ERC1: variants seen among roughly 807,000 people sequenced by gnomAD.
ERC1 encodes the protein ELKS/RAB6-interacting/CAST family member 1, also known as RAB6 interacting protein 2.
ERC1 carries 56 observed loss-of-function variants against 132.0 expected under a neutral mutation model. That is an observed-to-expected ratio of 0.42 (90% CI 0.34 to 0.53). The LOEUF is 0.53. ERC1 is among the 20% of genes least tolerant of loss of function. The pLI, the probability that ERC1 is intolerant of heterozygous loss-of-function variation, is 0.03. For synonymous variants in ERC1, 478 were observed against 476.1 expected (o/e 1.00, Z -0.05); for missense variants, 1,202 against 1,349.9 (o/e 0.89, Z 1.72).
In ERC1 at chr12:1,491,841, A is replaced by G. The variant is rs906546994; in HGVS notation, c.*1611A>G. 16 of 232,694 alleles carry G rather than the reference A, an allele frequency of 6.9e-5. No individual in the cohort carries two copies. The highest frequency in any genetic ancestry group is 3.5e-4 in the African/African-American group (16 of 45,432). The allele number at this position is 232,694 out of a possible 1,614,324, so 14.4% of individuals were successfully genotyped here. On this transcript the variant is annotated 3_prime_UTR_variant, in exon 19 of 19. Coordinates refer to ENST00000360905, the MANE Select transcript of ERC1 (RefSeq NM_178040.4). ...AGCGTAGACAACAGCAGTCATAAATAATTAGGCAGGAACTTAACCCAAATC... is the reference window on the plus strand; with the variant it reads ...AGCGTAGACAACAGCAGTCATAAATGATTAGGCAGGAACTTAACCCAAATC...
intron 16 of ERC1, among the ~76,000 whole-genome samples, chr12:1,389,993 G>A (rs776965079): frequency 6.6e-5 from 10 of 152,086 alleles, no homozygotes; most frequent in South Asian, 2.1e-4. Context: ...CAAACTTGTC[G>A]TTAAGGCTTC....
chr12:1,341,089 T>TTTTTTTTC (rs2083827321), intron 15 of ERC1, among the ~76,000 whole-genome samples: 1 of 74,238 alleles, frequency 1.3e-5, no homozygotes, highest in Non-Finnish European at 2.6e-5. Flanking sequence ...TTTTTTTTTT[T>TTTTTTTTC]TTTTTTTTTT....
intron 7 of ERC1, among the ~76,000 whole-genome samples, chr12:1,121,677 A>ATCTGTGTC (rs56044523): frequency 2.1e-3 from 17 of 8,180 alleles, no homozygotes; most frequent in South Asian, 0.012. Flanking sequence ...CTCTATCTCT[A>ATCTGTGTC]TCTATCTCTA....
Position 1,083,538 on chromosome 12 carries a change from C to T in ERC1, c.1044C>T (p.Ser348=), listed in dbSNP as rs1321431600. ...EAEMHVHHLE[S]LLEQKEKENS... ...AGATGCACGTTCATCACCTAGAAAG[C>T]CTTTTGGAGCAGAAGGAAAAAGAGA... The change falls in exon 3 of 19, where the codon AGC becomes AGT. Residue 348 remains serine, a synonymous_variant. Coordinates refer to ENST00000360905, the MANE Select transcript of ERC1 (RefSeq NM_178040.4). The T allele has an allele frequency of 1.2e-6, 2 of 1,609,762 alleles. No homozygotes were observed. The highest frequency in any genetic ancestry group is 2.7e-5 in the African/African-American group (2 of 74,566).
At chr12:1,459,311 C>CTA (rs1238638381) in intron 18 of ERC1, among the ~76,000 whole-genome samples, 1 of 151,968 alleles carries the variant, frequency 6.6e-6, no homozygotes, top group Non-Finnish European at 1.5e-5. Flanking sequence ...AACCTCATGG[C>CTA]TATATATATG....
chr12:1,080,874 T>G (rs1332059467), intron 2 of ERC1, among the ~76,000 whole-genome samples: 1 of 151,966 alleles, frequency 6.6e-6, no homozygotes, highest in African/African-American at 2.4e-5. Context: ...TTTCCAGTTT[T>G]GGGTATGTCT....
chr12:1,004,401 CTTTTTTTTTT>C (rs71055118), intron 1 of ERC1, among the ~76,000 whole-genome samples: 16 of 95,030 alleles, frequency 1.7e-4, no homozygotes, highest in Middle Eastern at 8.9e-3. Flanking sequence ...TTTTCTTTCT[CTTTTTTTTTT>C]TTTTTTTTTT....
intron 18 of ERC1, among the ~76,000 whole-genome samples, chr12:1,459,904 A>G (rs2093612646): frequency 6.6e-6 from 1 of 152,220 alleles, no homozygotes; most frequent in Non-Finnish European, 1.5e-5. Flanking sequence ...ACACCAGGAA[A>G]CATACATAGA....
chr12:1,418,164 C>G (rs978546935), intron 17 of ERC1, among the ~76,000 whole-genome samples: 1 of 152,104 alleles, frequency 6.6e-6, no homozygotes, highest in African/African-American at 2.4e-5. Context: ...GTTATTATGC[C>G]TTTGTGTTCA....
At chr12:1,200,563 C>CTT (rs111688488) in intron 12 of ERC1, among the ~76,000 whole-genome samples, 4,270 of 147,478 alleles carry the variant, frequency 0.029, 218 homozygotes, top group African/African-American at 0.1. Context: ...ATTTCCTTTT[C>CTT]TTTTTTTTTT....
At chr12:1,324,440 T>C (rs977068779) in intron 15 of ERC1, among the ~76,000 whole-genome samples, 1 of 152,176 alleles carries the variant, frequency 6.6e-6, no homozygotes, top group African/African-American at 2.4e-5. Context: ...TGGATGCATG[T>C]CAGAAGTGTA....
At position 1,199,399 on chromosome 12, in the gene ERC1, A is replaced by C. The variant is rs186401275; in HGVS notation, c.2351+9347A>C. Among the ~76,000 whole-genome samples the C allele has an allele frequency of 1.3e-4, 20 of 152,348 alleles. No homozygotes were observed. The East Asian group carries it at 3.7e-3, about 28-fold the overall frequency. Reference sequence around the variant, plus strand: ...TAAACTTTAATTTTGTGGACTACCAAGACAACCTAGTGTGTATTTATAGTA... The same window carrying C: ...TAAACTTTAATTTTGTGGACTACCACGACAACCTAGTGTGTATTTATAGTA... On this transcript the variant is annotated intron_variant, in intron 12 of 18. Transcript: ENST00000360905.
At chr12:1,150,924 G>A (rs963843324) in intron 8 of ERC1, among the ~76,000 whole-genome samples, 5 of 152,156 alleles carry the variant, frequency 3.3e-5, no homozygotes, top group East Asian at 1.9e-4. Flanking sequence ...AAGGAAATGC[G>A]AATAAAGCAC....
chr12:1,212,623 C>T (rs376887355), intron 12 of ERC1, among the ~76,000 whole-genome samples: 1 of 152,154 alleles, frequency 6.6e-6, no homozygotes, highest in Non-Finnish European at 1.5e-5. Context: ...ACGATTCGAA[C>T]GTTGAGTAGG....
intron 17 of ERC1, among the ~76,000 whole-genome samples, chr12:1,419,420 A>T (rs1470404663): frequency 6.7e-6 from 1 of 150,230 alleles, no homozygotes; most frequent in African/African-American, 2.5e-5. Context: ...AATATCAATA[A>T]CATGTAGTGT....
intron 14 of ERC1, among the ~76,000 whole-genome samples, chr12:1,272,397 C>T (rs753056959): frequency 2.0e-5 from 3 of 152,178 alleles, no homozygotes; most frequent in Non-Finnish European, 2.9e-5. Context: ...GACAAACTTA[C>T]TGTTAAATTC....
At chr12:1,084,237 T>C (rs1942647672) in intron 3 of ERC1, among the ~76,000 whole-genome samples, 1 of 152,158 alleles carries the variant, frequency 6.6e-6, no homozygotes. Context: ...CATCTTATAT[T>C]GAATTAAAAA....
At chr12:1,303,526 C>A (rs1362580054) in intron 15 of ERC1, among the ~76,000 whole-genome samples, 3 of 151,878 alleles carry the variant, frequency 2.0e-5, no homozygotes, top group African/African-American at 7.3e-5. Flanking sequence ...GTAGTCCCAG[C>A]TGCTGGGGAG....
At chr12:1,344,467 T>C (rs1228270247) in intron 15 of ERC1, among the ~76,000 whole-genome samples, 1 of 152,218 alleles carries the variant, frequency 6.6e-6, no homozygotes, top group African/African-American at 2.4e-5. Flanking sequence ...TGAAGGCTTG[T>C]GCTGTGAAAC....
Sources: gnomAD v4.1 joint callset for allele counts (sites outside exome capture counted in the v4.1 genomes callset) on GRCh38, gnomAD v4.1.1 for gene constraint, MANE v1.5 for transcripts, NCBI Gene and HGNC (gene_info 2026-07-23, HGNC 2026-07-21) for gene names.